The following INPP5D variants were observed in gnomAD, a reference collection of about 807,000 sequenced individuals.
INPP5D encodes the protein phosphatidylinositol 3,4,5-trisphosphate 5-phosphatase 1.
In INPP5D, 33 loss-of-function variants were observed where a neutral mutation model predicts 122.9. That is an observed-to-expected ratio of 0.27 (90% CI 0.20 to 0.36). The LOEUF (loss-of-function observed/expected upper bound fraction) is 0.36. Among genes scored for constraint, INPP5D ranks in the 10% least tolerant of loss-of-function variants. The pLI is 1.00. For missense variants in INPP5D, 1,053 were observed against 1,412.7 expected, an observed-to-expected ratio of 0.75 and a Z score of 4.08; for synonymous variants, 584 against 576.2, an observed-to-expected ratio of 1.01 and a Z score of -0.19.
intron 2 of INPP5D, among the ~76,000 whole-genome samples, chr2:233,084,049 T>C (rs781633810): frequency 6.6e-6 from 1 of 152,202 alleles, no homozygotes; most frequent in Non-Finnish European, 1.5e-5. Context: ...CAGGTGTTTT[T>C]CTGTTTTGTT....
In INPP5D at chr2:233,204,331, G is replaced by T. The variant is rs1481183285; in HGVS notation, c.3181G>T (p.Val1061Leu). 2.5e-6 allele frequency: 4 copies of T among 1,611,406 alleles called. No homozygotes were observed. Among genetic ancestry groups the T allele is most frequent in the East Asian group, 2.2e-5 (1 of 44,838 alleles). The change falls in exon 26 of 27, where the codon GTG becomes TTG. Residue 1061 changes from valine to leucine, a missense_variant. Coordinates refer to ENST00000445964, the MANE Select transcript of INPP5D (RefSeq NM_001017915.3). ...ACCCGGCATCTTGTCGCCCAGCATC[G>T]TGCTCACCAAAGCCCAGGAGGCTGA... ...PEPGILSPSI[V>L]LTKAQEADRG...
chr2:233,115,787 C>T (rs1444802658), intron 2 of INPP5D, among the ~76,000 whole-genome samples: 1 of 152,148 alleles, frequency 6.6e-6, no homozygotes, highest in Non-Finnish European at 1.5e-5. Flanking sequence ...TGGGGGCTGC[C>T]ATTATGTCAT....
intron 2 of INPP5D, among the ~76,000 whole-genome samples, chr2:233,101,685 AAGT>A (rs906779481): frequency 3.4e-5 from 5 of 146,052 alleles, no homozygotes; most frequent in African/African-American, 1.2e-4. Context: ...CATATTATAT[AAGT>A]AGTAATTGCA....
chr2:233,184,369 C>G (rs1458179158), intron 19 of INPP5D, 39 bp from the exon 20 acceptor site: 1 of 1,608,536 alleles, frequency 6.2e-7, no homozygotes, highest in African/African-American at 1.3e-5. Context: ...CATCTCCAGG[C>G]ACATTGTGGA....
chr2:233,107,405 T>A (rs374751782), intron 2 of INPP5D, among the ~76,000 whole-genome samples: 5 of 152,268 alleles, frequency 3.3e-5, no homozygotes, highest in African/African-American at 7.2e-5. Context: ...GATCTCCCCA[T>A]GGGCAAGGTG....
At chr2:233,137,897 T>TACACACACAC (rs796742030) in intron 5 of INPP5D, among the ~76,000 whole-genome samples, 1 of 44,528 alleles carries the variant, frequency 2.2e-5, no homozygotes, top group African/African-American at 7.8e-5. Context: ...TATATATATA[T>TACACACACAC]ACACACACAC....
At chr2:233,102,412 C>A (rs1478337804) in intron 2 of INPP5D, among the ~76,000 whole-genome samples, 1 of 152,184 alleles carries the variant, frequency 6.6e-6, no homozygotes, top group Non-Finnish European at 1.5e-5. Context: ...GCTTCACTCA[C>A]ACCAAGTTTC....
rs547622209 is a variant in INPP5D, at chr2:233,119,974, G to A, written c.199-2133G>A. On this transcript the variant is annotated intron_variant, in intron 2 of 26. Transcript: ENST00000445964. ...AGATATCTGACTTGGAGGCGGAAAG[G>A]CCAACGCTTGGCCCAGCCACGCTCA... Among the ~76,000 whole-genome samples the A allele has an allele frequency of 1.4e-3, 210 of 152,340 alleles. 1 individual carries two copies. The highest frequency in any genetic ancestry group is 5.0e-3 in the African/African-American group (208 of 41,576).
intron 17 of INPP5D, among the ~76,000 whole-genome samples, chr2:233,175,670 G>T (rs1214474429): frequency 6.7e-6 from 1 of 150,066 alleles, no homozygotes; most frequent in Non-Finnish European, 1.5e-5. Context: ...TAGAGAGAAT[G>T]AAAATAAAAA....
rs776547883 is a variant in INPP5D at position 233,170,575 on chromosome 2, G to A, written c.1871G>A (p.Arg624Lys). The stretch of plus-strand genomic sequence containing the variant: ...TCCCACGACCAGCTGCTCACAGAGA[G>A]GAGGGAGCAGAAGGTCTTCCTACAC... Reference protein sequence around the residue: ...LLSHDQLLTERREQKVFLHFE... With the variant: ...LLSHDQLLTEKREQKVFLHFE... The change falls in exon 16 of 27, where the codon AGG (arginine) becomes AAG (lysine). Residue 624 changes from arginine to lysine, a missense_variant. Arg to Lys is a conservative substitution (Grantham distance 26, BLOSUM62 2). Transcript: ENST00000445964. The surrounding 1 kb of genome is among the most constrained non-coding windows in gnomAD (Gnocchi z 4.5). The A allele has an allele frequency of 2.4e-5, 39 of 1,613,494 alleles. No homozygotes were observed. Among genetic ancestry groups the A allele is most frequent in the Non-Finnish European group, 2.9e-5 (34 of 1,179,728 alleles).
At chr2:233,153,141 C>T (rs1053761591) in intron 9 of INPP5D, among the ~76,000 whole-genome samples, 9 of 152,122 alleles carry the variant, frequency 5.9e-5, no homozygotes, top group African/African-American at 7.2e-5. Context: ...GAAGGTGGGG[C>T]GCTGACTGAC....
At chr2:233,063,079 C>T (rs979675091) in intron 1 of INPP5D, among the ~76,000 whole-genome samples, 2 of 152,092 alleles carry the variant, frequency 1.3e-5, no homozygotes, top group Non-Finnish European at 2.9e-5. Context: ...CCTGCAGAGT[C>T]GCCGTGGCCT....
chr2:233,091,028 C>T (rs905803045), intron 2 of INPP5D, among the ~76,000 whole-genome samples: 9 of 151,872 alleles, frequency 5.9e-5, no homozygotes, highest in African/African-American at 2.2e-4. Context: ...GCTTGGGAAA[C>T]CAGACAATAG....
At chr2:233,153,246 G>C (rs2106285664) in intron 9 of INPP5D, among the ~76,000 whole-genome samples, 1 of 152,370 alleles carries the variant, frequency 6.6e-6, no homozygotes, top group South Asian at 2.1e-4. Context: ...TCAGGGGAAG[G>C]AGACATGGCC....
In INPP5D at chr2:233,170,428, C is replaced by T; in HGVS notation, c.1792-68C>T. ...GGGTCATCCAGCTGCCCGCCCCCAG[C>T]CCCGAAGCTTGTCAGGCCTGGATCA... On this transcript the variant is annotated intron_variant, in intron 15 of 26. Coordinates refer to ENST00000445964, the MANE Select transcript of INPP5D (RefSeq NM_001017915.3). The surrounding 1 kb of genome is among the most constrained non-coding windows in gnomAD (Gnocchi z 4.5). 6.2e-7 allele frequency: 1 copy of T among 1,601,408 alleles called. No homozygotes were observed. The highest frequency in any genetic ancestry group is 8.5e-7 in the Non-Finnish European group (1 of 1,173,330).
In INPP5D at chr2:233,121,133, T is replaced by C. The variant is rs200244776; in HGVS notation, c.199-974T>C. Among the ~76,000 whole-genome samples, 1,020 of 131,054 alleles carry C rather than the reference T, an allele frequency of 7.8e-3. 5 individuals carry two copies. The highest frequency in any genetic ancestry group is 0.02 in the African/African-American group (740 of 36,146). 86.0% of individuals were successfully genotyped at this position (131,054 alleles called of 152,430 possible). A position where few individuals can be genotyped will look rare whatever the true frequency, so the allele number is the denominator to read the frequency against. ...TCTTTCTTTCTTTCTTTTTTTTTTTTCTTTTTTTTTTTTTTTGAGACAGGG... is the reference window on the plus strand; with the variant it reads ...TCTTTCTTTCTTTCTTTTTTTTTTTCCTTTTTTTTTTTTTTTGAGACAGGG... On this transcript the variant is annotated intron_variant, in intron 2 of 26. Transcript: ENST00000445964.
intron 1 of INPP5D, among the ~76,000 whole-genome samples, chr2:233,061,369 C>T (rs940127998): frequency 2.0e-5 from 3 of 152,104 alleles, no homozygotes; most frequent in Non-Finnish European, 4.4e-5. Flanking sequence ...TCCTGTCCAG[C>T]GTCTGAAGGA....
At chr2:233,167,192 A>G (rs1383115848) in intron 13 of INPP5D, among the ~76,000 whole-genome samples, 4 of 141,894 alleles carry the variant, frequency 2.8e-5, no homozygotes, top group African/African-American at 1.0e-4. Context: ...GCAACATAGG[A>G]AGGTACCATT....
At position 233,163,703 on chromosome 2, in the gene INPP5D, G is replaced by T. The variant is rs1417493059; in HGVS notation, c.1241-4G>T. ...TCACTTGGTGTTGGGTTTTGCTGTT[G>T]AAGGTAACGCCCCCCCTCCCAAGAA... On this transcript the variant is annotated splice_region_variant and splice_polypyrimidine_tract_variant and intron_variant, in intron 11 of 26. Coordinates refer to ENST00000445964, the MANE Select transcript of INPP5D (RefSeq NM_001017915.3). The T allele has an allele frequency of 6.2e-7, 1 of 1,613,664 alleles. No individual in the cohort carries two copies. Among genetic ancestry groups the T allele is most frequent in the Non-Finnish European group, 8.5e-7 (1 of 1,179,814 alleles).
Sources: gnomAD v4.1 joint callset for allele counts (sites outside exome capture counted in the v4.1 genomes callset) on GRCh38, gnomAD v4.1.1 for gene constraint, Gnocchi (gnomAD v3.1) non-coding constraint, MANE v1.5 for transcripts, NCBI Gene and HGNC (gene_info 2026-07-23, HGNC 2026-07-21) for gene names.